Variants in CEP162 observed in about 807,000 individuals in gnomAD.
The protein encoded by CEP162 is centrosomal protein of 162 kDa.
In CEP162, 141 loss-of-function variants were observed where a neutral mutation model predicts 169.2. The observed-to-expected ratio is 0.83, with a 90% CI of 0.73 to 0.96. The LOEUF (loss-of-function observed/expected upper bound fraction) is 0.96. Among genes scored for constraint, CEP162 ranks in the 40% least tolerant of loss-of-function variants. The pLI, the probability that CEP162 is intolerant of heterozygous loss-of-function variation, is 0.00. For missense variants in CEP162, 1,600 were observed against 1,587.2 expected (o/e 1.01, Z -0.14); for synonymous variants, 540 against 526.4 (o/e 1.03, Z -0.35).
chr6:84,188,689 G>A (rs1453347390), intron 11 of CEP162, among the ~76,000 whole-genome samples: 1 of 152,066 alleles, frequency 6.6e-6, no homozygotes, highest in African/African-American at 2.4e-5. Flanking sequence ...GTGCTGCAAT[G>A]AACATATGCA....
intron 11 of CEP162, among the ~76,000 whole-genome samples, chr6:84,193,140 T>G (rs2099540603): frequency 6.6e-6 from 1 of 152,198 alleles, no homozygotes; most frequent in Non-Finnish European, 1.5e-5. Context: ...TGACAGTGGG[T>G]CACACATACT....
At chr6:84,136,830 A>G (rs1043027474) in intron 25 of CEP162, among the ~76,000 whole-genome samples, 36 of 152,330 alleles carry the variant, frequency 2.4e-4, no homozygotes, top group African/African-American at 7.9e-4. Flanking sequence ...TTTCTTCTGC[A>G]TGAGAAACTG....
At chr6:84,141,364 A>G (rs1467974880) in intron 25 of CEP162, among the ~76,000 whole-genome samples, 1 of 152,148 alleles carries the variant, frequency 6.6e-6, no homozygotes, top group Admixed American at 6.5e-5. Flanking sequence ...GTCTAGTCTA[A>G]GCAAACAAAC....
intron 25 of CEP162, among the ~76,000 whole-genome samples, chr6:84,130,592 G>GT (rs2099510935): frequency 6.6e-6 from 1 of 152,160 alleles, no homozygotes; most frequent in East Asian, 1.9e-4. Context: ...TTGGGAGGGT[G>GT]TATGTGTCCA....
chr6:84,190,518 G>A (rs2099539409), intron 11 of CEP162, among the ~76,000 whole-genome samples: 1 of 152,110 alleles, frequency 6.6e-6, no homozygotes, highest in Non-Finnish European at 1.5e-5. Flanking sequence ...AACACTCACT[G>A]CAAAGATCTG....
intron 16 of CEP162, among the ~76,000 whole-genome samples, chr6:84,173,100 C>G (rs1416167469): frequency 1.3e-5 from 2 of 152,128 alleles, no homozygotes; most frequent in African/African-American, 4.8e-5. Context: ...AATAGCAAAA[C>G]CAGCCAATAC....
At chr6:84,153,837 G>C (rs2099522030) in intron 22 of CEP162, among the ~76,000 whole-genome samples, 1 of 152,240 alleles carries the variant, frequency 6.6e-6, no homozygotes, top group East Asian at 1.9e-4. Flanking sequence ...TTGGTGAGGA[G>C]AGCAACATGG....
chr6:84,160,827 C>T lies in CEP162; in HGVS notation c.2766G>A (p.Gln922=). ...KDKAADAKKI[Q]DLERQVKEME... ...GAACACATACTTGTCGCTCCAGATC[C>T]TGAATTTTTTTGGCATCTGCTGCTT... Residue 922 remains glutamine, a synonymous_variant, in exon 21 of 27, where the codon CAG becomes CAA. Transcript: ENST00000403245. 1.9e-6 allele frequency: 3 copies of T among 1,607,754 alleles called. No homozygotes were observed. The highest frequency in any genetic ancestry group is 2.6e-6 in the Non-Finnish European group (3 of 1,174,570).
At chr6:84,129,955 A>T (rs1177020256) in intron 25 of CEP162, among the ~76,000 whole-genome samples, 1 of 152,222 alleles carries the variant, frequency 6.6e-6, no homozygotes, top group East Asian at 1.9e-4. Flanking sequence ...CTTCAAAGGG[A>T]ATGCTTCCAG....
chr6:84,152,690 G>A lies in CEP162; in HGVS notation c.3484C>T (p.His1162Tyr). ...GAAACATGGGAATCAGTGAAAGTATGTGGTTGGTACAGCTTGCTGTCCAGG... is the reference window on the plus strand; with the variant it reads ...GAAACATGGGAATCAGTGAAAGTATATGGTTGGTACAGCTTGCTGTCCAGG... The part of the protein sequence containing the change: ...GTLDSKLYQP[H>Y]TFTDSHVSEV... Residue 1162 changes from histidine (H) to tyrosine (Y), a missense_variant, in exon 23 of 27, where the codon CAT becomes TAT. Physicochemically the swap from His to Tyr is moderately conservative, Grantham distance 83. Transcript: ENST00000403245. 1 of 1,612,774 alleles carries A rather than the reference G, an allele frequency of 6.2e-7. No homozygotes were observed.
intron 5 of CEP162, among the ~76,000 whole-genome samples, chr6:84,214,796 T>TA (rs1240860574): frequency 1.3e-5 from 2 of 152,164 alleles, no homozygotes; most frequent in Non-Finnish European, 2.9e-5. Context: ...TCTAGTGTAA[T>TA]AAAGAGAGGA....
chr6:84,161,915 A>T lies in CEP162; in HGVS notation c.2513-6T>A. On this transcript the variant is annotated splice_region_variant and splice_polypyrimidine_tract_variant and intron_variant, in intron 19 of 26. Transcript: ENST00000403245. ...TATTTCATATAATTTCTCACCTATA[A>T]GATACAGTAACTCAATAACCTGCTT... 1 of 1,465,720 alleles carries T rather than the reference A, an allele frequency of 6.8e-7. No homozygotes were observed. The highest frequency in any genetic ancestry group is 9.3e-7 in the Non-Finnish European group (1 of 1,070,620). 90.8% of individuals were successfully genotyped at this position (1,465,720 alleles called of 1,614,324 possible).
intron 21 of CEP162, 47 bp downstream of exon 21, chr6:84,160,765 G>A (rs1195888641): frequency 1.7e-6 from 2 of 1,176,864 alleles, no homozygotes; most frequent in South Asian, 2.5e-5. Context: ...AAACCAAAAT[G>A]CACTATATAT....
In CEP162 at chr6:84,128,866, C is replaced by T. The variant is rs190966303; in HGVS notation, c.3871-2354G>A. ...TAACCCCCAACCCCCCGACAGGCCC[C>T]GGTGTGTGATGTTCCCCTCCTATGT... On this transcript the variant is annotated intron_variant, in intron 25 of 26. Transcript: ENST00000403245. Among the ~76,000 whole-genome samples, 885 of 151,646 alleles carry T rather than the reference C, an allele frequency of 5.8e-3. 41 individuals carry two copies. Among genetic ancestry groups the T allele is most frequent in the Admixed American group, 0.05 (756 of 15,196 alleles).
Position 84,200,907 on chromosome 6 carries a change from T to A in CEP162, c.719-2A>T. On this transcript the variant is annotated splice_acceptor_variant, in intron 8 of 26. Transcript: ENST00000403245. LOFTEE classifies it high-confidence loss of function. The stretch of plus-strand genomic sequence containing the variant: ...AGTCTAATGAATCAAGCAGCACAAC[T>A]GGAAGAATATAAAAGAAAAATATAA... The A allele has an allele frequency of 6.5e-7, 1 of 1,541,884 alleles. No homozygotes were observed.
chr6:84,147,858 G>A (rs2099519626), intron 24 of CEP162, among the ~76,000 whole-genome samples: 1 of 152,006 alleles, frequency 6.6e-6, no homozygotes, highest in Admixed American at 6.6e-5. Context: ...TGAAATATAT[G>A]AACAGATACT....
chr6:84,201,079 C>A (rs1289566622), intron 8 of CEP162, among the ~76,000 whole-genome samples, 174 bp from the exon 9 acceptor site: 1 of 152,168 alleles, frequency 6.6e-6, no homozygotes, highest in Non-Finnish European at 1.5e-5. Context: ...GAGATCGAGA[C>A]CATCCTGGCT....
chr6:84,167,649 T>C (rs2099528338), intron 18 of CEP162, among the ~76,000 whole-genome samples: 2 of 152,200 alleles, frequency 1.3e-5, no homozygotes, highest in Admixed American at 1.3e-4. Context: ...CTACCAGAGG[T>C]TATCACTGAC....
At chr6:84,145,019 T>G (rs1178314379) in intron 25 of CEP162, among the ~76,000 whole-genome samples, 1 of 152,154 alleles carries the variant, frequency 6.6e-6, no homozygotes, top group Non-Finnish European at 1.5e-5. Flanking sequence ...AGGCTTTGAT[T>G]GGAATGTCAT....
Sources: gnomAD v4.1 joint callset for allele counts (sites outside exome capture counted in the v4.1 genomes callset) on GRCh38, gnomAD v4.1.1 for gene constraint, MANE v1.5 for transcripts, NCBI Gene and HGNC (gene_info 2026-07-23, HGNC 2026-07-21) for gene names.